Variants in TNC observed in about 807,000 individuals in gnomAD.
TNC encodes the protein tenascin C.
TNC carries 109 observed loss-of-function variants against 202.4 expected under a neutral mutation model. That is an observed-to-expected ratio of 0.54 (90% confidence interval 0.46 to 0.63). The LOEUF (loss-of-function observed/expected upper bound fraction) is 0.63. Among genes scored for constraint, TNC ranks in the 30% least tolerant of loss-of-function variants. The probability of loss-of-function intolerance (pLI) is 0.00; values close to 1 mark genes in which losing one functional copy is unlikely to be tolerated. For synonymous variants in TNC, 1,007 were observed against 1,089.7 expected, an observed-to-expected ratio of 0.92 and a Z score of 1.50; for missense variants, 2,756 against 2,833.3, an observed-to-expected ratio of 0.97 and a Z score of 0.62.
chr9:115,059,198 C>T (rs1488953073), intron 14 of TNC, among the ~76,000 whole-genome samples: 3 of 152,040 alleles, frequency 2.0e-5, no homozygotes, highest in East Asian at 3.9e-4. Flanking sequence ...GAGAACTGCC[C>T]GGAGGAGGGT....
At chr9:115,069,592 T>C (rs561818246) in intron 10 of TNC, among the ~76,000 whole-genome samples, 84 of 109,898 alleles carry the variant, frequency 7.6e-4, no homozygotes, top group Non-Finnish European at 1.1e-3. Flanking sequence ...CCTTCTTTCC[T>C]TCCCTTCCTC....
chr9:115,106,210 T>C (rs958320964), intron 1 of TNC, among the ~76,000 whole-genome samples: 2 of 152,180 alleles, frequency 1.3e-5, no homozygotes, highest in African/African-American at 2.4e-5. Flanking sequence ...TGTTACCAAC[T>C]CTGGGAATTA....
intron 6 of TNC, among the ~76,000 whole-genome samples, chr9:115,079,424 TG>T (rs1289384033): frequency 6.6e-6 from 1 of 152,030 alleles, no homozygotes; most frequent in Non-Finnish European, 1.5e-5. Context: ...ACAATGAAAA[TG>T]ATGTCGCAAA....
At chr9:115,049,697 G>GA (rs1359151819) in intron 15 of TNC, among the ~76,000 whole-genome samples, 2 of 146,778 alleles carry the variant, frequency 1.4e-5, no homozygotes, top group Non-Finnish European at 3.0e-5. Context: ...TTAATCAGAA[G>GA]AAAAAAAGGA....
intron 26 of TNC, among the ~76,000 whole-genome samples, chr9:115,025,373 T>C (rs1353751297): frequency 7.2e-6 from 1 of 139,226 alleles, no homozygotes; most frequent in Non-Finnish European, 1.6e-5. Context: ...TGTGCCTCCT[T>C]AGGCTCAGCC....
intron 1 of TNC, among the ~76,000 whole-genome samples, chr9:115,096,902 T>A (rs1244812558): frequency 1.3e-5 from 2 of 152,166 alleles, no homozygotes; most frequent in African/African-American, 4.8e-5. Context: ...CTCCCCACGT[T>A]AAACTAAAAC....
At position 115,064,810 on chromosome 9, in the gene TNC, C is replaced by T. The variant is rs779102542; in HGVS notation, c.3324G>A (p.Val1108=). ...CTGCCTCCACCTTGTTGGCCTCCTG[C>T]ACCTGAATGATAAAGTGCTCATAGG... is the stretch of plus-strand genomic sequence containing the variant. The part of the protein sequence containing the change: ...DQAYEHFIIQ[V]QEANKVEAAR... Residue 1108 remains valine, a synonymous_variant, in exon 11 of 28, where the codon GTG becomes GTA. Transcript: ENST00000350763. The T allele has an allele frequency of 6.2e-7, 1 of 1,614,164 alleles. No homozygotes were observed. The highest frequency in any genetic ancestry group is 1.7e-5 in the Admixed American group (1 of 60,020).
At chr9:115,052,164 G>A (rs1025252825) in intron 15 of TNC, among the ~76,000 whole-genome samples, 14 of 151,232 alleles carry the variant, frequency 9.3e-5, no homozygotes, top group African/African-American at 3.2e-4. Context: ...TCAACAACAC[G>A]GATGAACCCA....
Position 115,082,707 on chromosome 9 carries a change from G to A in TNC, c.2232C>T (p.Ile744=), listed in dbSNP as rs189608079. 3.0e-5 allele frequency: 48 copies of A among 1,610,348 alleles called. No individual in the cohort carries two copies. The African/African-American group carries it at 6.0e-4, about 20-fold the overall frequency. ...PLDIAFETWE[I]IFRNMNKEDE... ...TACTCCTTACCATATTCCGGAAGAT[G>A]ATCTCCCAGGTTTCAAAAGCAATGT... Residue 744 remains isoleucine, a synonymous_variant, in exon 5 of 28, where the codon ATC becomes ATT. Coordinates refer to ENST00000350763, the MANE Select transcript of TNC (RefSeq NM_002160.4).
rs368041702 is a variant in TNC at position 115,087,244 on chromosome 9, C to T, written c.487G>A (p.Gly163Ser). ...CCTTCAGTGCTGAAGTTGCCCCGAC[C>T]GCTACAGAAGGGCCTGGTGTCCAAG... ...GRLDTRPFCSGRGNFSTEGCG... is the reference protein window; with the variant it reads ...GRLDTRPFCSSRGNFSTEGCG... Residue 163 changes from glycine to serine, a missense_variant, in exon 3 of 28, where the codon GGT (glycine) becomes AGT (serine). By Grantham distance (56) the Gly-to-Ser change is moderately conservative. This residue lies in a region of TNC where 2,559 missense variants were observed against 2,546.0 expected (regional missense o/e 1.01). Coordinates refer to ENST00000350763, the MANE Select transcript of TNC (RefSeq NM_002160.4). The T allele has an allele frequency of 2.7e-5, 43 of 1,613,974 alleles. No homozygotes were observed. In the Admixed American group the frequency reaches 3.8e-4, roughly 14 times the overall value.
intron 10 of TNC, among the ~76,000 whole-genome samples, chr9:115,069,770 CCCTCCCTTCCTTCCTTCCTTCCTTCCTT>C (rs1833313223): frequency 7.6e-5 from 1 of 13,120 alleles, no homozygotes; most frequent in African/African-American, 3.4e-4. Flanking sequence ...CTCCCTCCCT[CCCTCCCTTCCTTCCTTCCTTCCTTCCTT>C]CCTCCCTTCC....
At chr9:115,117,927 G>A (rs1050938001) in intron 1 of TNC, 55 bp downstream of exon 1, 2 of 152,116 alleles carry the variant, frequency 1.3e-5, no homozygotes, top group Admixed American at 6.5e-5. Flanking sequence ...TTGGTACCAG[G>A]AATGCAATCC....
chr9:115,082,959 G>A (rs1834419737), intron 4 of TNC, 152 bp from the exon 5 acceptor site: 1 of 604,778 alleles, frequency 1.7e-6, no homozygotes, highest in Non-Finnish European at 2.9e-6. Flanking sequence ...TCTGGGATGA[G>A]GTCTCTATGA....
chr9:115,077,870 C>A, intron 7 of TNC, 73 bp downstream of exon 7: 1 of 1,502,844 alleles, frequency 6.7e-7, no homozygotes. Flanking sequence ...TGGAAGATAC[C>A]CCAACATGGA....
chr9:115,064,912 G>C lies in TNC; in HGVS notation c.3222C>G (p.Ala1074=), dbSNP rs1328509905. The C allele has an allele frequency of 6.2e-7, 1 of 1,613,328 alleles. No individual in the cohort carries two copies. The highest frequency in any genetic ancestry group is 2.2e-5 in the East Asian group (1 of 44,888). ...PARVKASTEQ[A]PELENLTVTE... ...TCACGGTGAGGTTTTCCAGCTCAGG[G>C]GCTTGTTCTGAATAATGACAGAGAT... Residue 1074 remains alanine (A), a synonymous_variant, in exon 11 of 28, where the codon GCC becomes GCG. Coordinates refer to ENST00000350763, the MANE Select transcript of TNC (RefSeq NM_002160.4).
chr9:115,039,997 A>T (rs1188687249), intron 19 of TNC, among the ~76,000 whole-genome samples: 4 of 152,244 alleles, frequency 2.6e-5, no homozygotes, highest in Admixed American at 6.5e-5. Flanking sequence ...TATTCTTTGT[A>T]TCCCTTAATG....
chr9:115,105,880 A>G (rs1836578572), intron 1 of TNC, among the ~76,000 whole-genome samples: 2 of 152,200 alleles, frequency 1.3e-5, no homozygotes, highest in Admixed American at 6.6e-5. Flanking sequence ...TAATAGGTTC[A>G]TGCTCGTTGG....
intron 17 of TNC, among the ~76,000 whole-genome samples, chr9:115,045,474 T>G (rs950690807): frequency 6.6e-6 from 1 of 151,838 alleles, no homozygotes; most frequent in Non-Finnish European, 1.5e-5. Flanking sequence ...TCAAGAGATC[T>G]TCCTGCCTCA....
rs755761555 is a variant in TNC, at chr9:115,042,268, G to A, written c.5199C>T (p.Pro1733=). 7.7e-5 allele frequency: 124 copies of A among 1,613,964 alleles called. No homozygotes were observed. The highest frequency in any genetic ancestry group is 9.7e-5 in the Non-Finnish European group (114 of 1,179,978). Residue 1733 remains proline, a synonymous_variant, in exon 18 of 28, where the codon CCC becomes CCT. Coordinates refer to ENST00000350763, the MANE Select transcript of TNC (RefSeq NM_002160.4). Reference sequence around the variant, plus strand: ...TCCGGAAGCTCTCCACTTGGGCTGTGGGTGCCCTCCAGCTGACAGTAGCCG... The same window carrying A: ...TCCGGAAGCTCTCCACTTGGGCTGTAGGTGCCCTCCAGCTGACAGTAGCCG... ...ENSATVSWRA[P]TAQVESFRIT...
Sources: gnomAD v4.1 joint callset for allele counts (sites outside exome capture counted in the v4.1 genomes callset) on GRCh38, gnomAD v4.1.1 for gene constraint, gnomAD v4.1.1 regional missense constraint, MANE v1.5 for transcripts, NCBI Gene and HGNC (gene_info 2026-07-23, HGNC 2026-07-21) for gene names.